DIP2C: variants seen among roughly 807,000 people sequenced by gnomAD.
DIP2C encodes DIP2 acetate--CoA ligase C (putative), also known as disco-interacting protein 2 homolog C.
DIP2C carries 33 observed loss-of-function variants against 192.4 expected under a neutral mutation model. That is an observed-to-expected ratio of 0.17 (90% CI 0.13 to 0.23). The LOEUF (loss-of-function observed/expected upper bound fraction) is 0.23. DIP2C is among the 10% of genes least tolerant of loss of function. The pLI, the probability that DIP2C is intolerant of heterozygous loss-of-function variation, is 1.00. For missense variants in DIP2C, 1,537 were observed against 2,110.1 expected, an observed-to-expected ratio of 0.73 and a Z score of 5.32; for synonymous variants, 979 against 864.1, an observed-to-expected ratio of 1.13 and a Z score of -2.33.
At chr10:492,886 A>C (rs1376938217) in intron 1 of DIP2C, among the ~76,000 whole-genome samples, 1 of 152,222 alleles carries the variant, frequency 6.6e-6, no homozygotes, top group East Asian at 1.9e-4. Context: ...GATCAACAGA[A>C]GTTCACACCA....
chr10:380,630 G>C (rs771080701), intron 17 of DIP2C, among the ~76,000 whole-genome samples: 2 of 152,186 alleles, frequency 1.3e-5, no homozygotes, highest in Non-Finnish European at 2.9e-5. Flanking sequence ...CCGAACACTT[G>C]TCTTTCTTCT....
intron 5 of DIP2C, 71 bp from the exon 6 acceptor site, chr10:419,270 C>A: frequency 1.2e-6 from 2 of 1,602,928 alleles, no homozygotes; most frequent in East Asian, 4.5e-5. Flanking sequence ...CAAGCCACAG[C>A]CCAGGAAGAG....
intron 1 of DIP2C, among the ~76,000 whole-genome samples, chr10:540,732 G>T (rs920942044): frequency 6.6e-6 from 1 of 152,188 alleles, no homozygotes; most frequent in Non-Finnish European, 1.5e-5. Context: ...GACTAACTGA[G>T]AAAAGTAATC....
intron 1 of DIP2C, among the ~76,000 whole-genome samples, chr10:676,192 C>T (rs1252034723): frequency 6.6e-6 from 1 of 152,156 alleles, no homozygotes; most frequent in Non-Finnish European, 1.5e-5. Context: ...ACAGAAAAAG[C>T]ATTTGATAAA....
At chr10:503,180 C>T (rs1174146688) in intron 1 of DIP2C, among the ~76,000 whole-genome samples, 1 of 152,026 alleles carries the variant, frequency 6.6e-6, no homozygotes, top group Non-Finnish European at 1.5e-5. Context: ...GGATGCCTAC[C>T]TGCAGACTTA....
At chr10:607,757 TTCA>T (rs1470480723) in intron 1 of DIP2C, among the ~76,000 whole-genome samples, 1 of 152,130 alleles carries the variant, frequency 6.6e-6, no homozygotes, top group Non-Finnish European at 1.5e-5. Flanking sequence ...GGCTTCTGTC[TTCA>T]GAGACAATGG....
At chr10:622,425 T>A (rs1461266747) in intron 1 of DIP2C, among the ~76,000 whole-genome samples, 1 of 147,004 alleles carries the variant, frequency 6.8e-6, no homozygotes, top group Non-Finnish European at 1.5e-5. Context: ...AGAGGCATGT[T>A]CCATCCACCA....
chr10:467,630 C>T (rs1053022345), intron 3 of DIP2C, among the ~76,000 whole-genome samples: 24 of 141,462 alleles, frequency 1.7e-4, no homozygotes, highest in African/African-American at 4.9e-4. Flanking sequence ...CCATAAAAAA[C>T]GGGTAAATTC....
rs145250481 is a variant in DIP2C, at chr10:298,582, G to C, written c.3987-10161C>G. Among the ~76,000 whole-genome samples, 174 of 152,326 alleles carry C rather than the reference G, an allele frequency of 1.1e-3. 1 individual carries two copies. Among genetic ancestry groups the C allele is most frequent in the African/African-American group, 3.9e-3 (163 of 41,564 alleles). On this transcript the variant is annotated intron_variant, in intron 32 of 36. Transcript: ENST00000280886. ...ATGGAGGGCACAGCCTCCTGCCTCT[G>C]GGTGACCAAGCCCATGCCTCAGGCC...
intron 1 of DIP2C, among the ~76,000 whole-genome samples, chr10:576,417 CAGTAACTGCCCACA>C (rs1293361793): frequency 6.6e-6 from 1 of 152,218 alleles, no homozygotes. Context: ...CATGGGACAG[CAGTAACTGCCCACA>C]AGTCCCGTAT....
chr10:459,727 G>T lies in DIP2C; in HGVS notation c.268+12712C>A, dbSNP rs72774506. Among the ~76,000 whole-genome samples the T allele has an allele frequency of 2.7e-3, 386 of 140,812 alleles. 2 individuals carry two copies. The highest frequency in any genetic ancestry group is 6.9e-3 in the East Asian group (31 of 4,514). The allele number at this position is 140,812 out of a possible 152,430, so 92.4% of individuals were successfully genotyped here. On this transcript the variant is annotated intron_variant, in intron 3 of 36. Transcript: ENST00000280886. ...TCTTCCCACAATCACATCAGGGAAC[G>T]GCGTGCTGCACGTGGGCTCTGGGAT...
In DIP2C at chr10:275,891, G is replaced by A. The variant is rs1046280273; in HGVS notation, c.*1434C>T. On this transcript the variant is annotated 3_prime_UTR_variant, in exon 37 of 37. Coordinates refer to ENST00000280886, the MANE Select transcript of DIP2C (RefSeq NM_014974.3). The stretch of plus-strand genomic sequence containing the variant: ...AGCCGGAGCTCTGGCATGAACCCCC[G>A]GGGAACTGTGCTCACTGAGCGAGGG... The A allele has an allele frequency of 6.6e-5, 10 of 152,294 alleles. No homozygotes were observed. Among genetic ancestry groups the A allele is most frequent in the Admixed American group, 5.2e-4 (8 of 15,298 alleles). 9.4% of individuals were successfully genotyped at this position (152,294 alleles called of 1,614,324 possible). A position where few individuals can be genotyped will look rare whatever the true frequency, so the allele number is the denominator to read the frequency against.
chr10:344,523 G>A (rs1481839859), intron 28 of DIP2C, among the ~76,000 whole-genome samples: 2 of 152,180 alleles, frequency 1.3e-5, no homozygotes, highest in Non-Finnish European at 2.9e-5. Flanking sequence ...ATCACAGAGC[G>A]TTCGGATTTG....
intron 10 of DIP2C, 72 bp downstream of exon 10, chr10:399,037 C>G: frequency 7.4e-7 from 1 of 1,347,678 alleles, no homozygotes; most frequent in South Asian, 1.2e-5. Flanking sequence ...GAGACCCTCA[C>G]CCAGCCGGGA....
In DIP2C at chr10:605,310, G is replaced by C. The variant is rs139283980; in HGVS notation, c.85+84184C>G. ...GGTTTCAGGGACACGTTAGGAAATCGTGAGACTCCAAATCTCAATTTCATA... is the reference window on the plus strand; with the variant it reads ...GGTTTCAGGGACACGTTAGGAAATCCTGAGACTCCAAATCTCAATTTCATA... On this transcript the variant is annotated intron_variant, in intron 1 of 36. Transcript: ENST00000280886. Among the ~76,000 whole-genome samples, 41 of 152,316 alleles carry C rather than the reference G, an allele frequency of 2.7e-4. No individual in the cohort carries two copies. The East Asian group carries it at 5.8e-3, about 21-fold the overall frequency.
intron 1 of DIP2C, among the ~76,000 whole-genome samples, chr10:606,183 C>T (rs192568417): frequency 6.6e-6 from 1 of 152,232 alleles, no homozygotes; most frequent in Non-Finnish European, 1.5e-5. Context: ...CCTGCATAAA[C>T]CCTGGGCTGG....
intron 8 of DIP2C, among the ~76,000 whole-genome samples, chr10:409,622 G>T (rs575407344): frequency 6.6e-6 from 1 of 152,330 alleles, no homozygotes; most frequent in South Asian, 2.1e-4. Context: ...CCACCGCAAC[G>T]GTGTCACTGC....
At chr10:359,221 C>CA (rs1158744106) in intron 22 of DIP2C, among the ~76,000 whole-genome samples, 1 of 152,206 alleles carries the variant, frequency 6.6e-6, no homozygotes, top group African/African-American at 2.4e-5. Flanking sequence ...ACAAGGCAGT[C>CA]AGGGCCTGAC....
At chr10:510,011 G>A in intron 1 of DIP2C, among the ~76,000 whole-genome samples, 1 of 152,240 alleles carries the variant, frequency 6.6e-6, no homozygotes, top group East Asian at 1.9e-4. Context: ...ACCACGGGGT[G>A]CAGCGCGGCC....
Sources: allele counts gnomAD v4.1 joint callset (sites outside exome capture counted in the v4.1 genomes callset), GRCh38; gene constraint gnomAD v4.1.1; transcripts MANE v1.5; gene names NCBI Gene and HGNC (gene_info 2026-07-23, HGNC 2026-07-21).